The following TAFA2 variants were observed in gnomAD, a reference collection of about 807,000 sequenced individuals.
The protein encoded by TAFA2 is chemokine-like protein TAFA-2.
A neutral mutation model predicts 18.8 loss-of-function variants in TAFA2; 7 were observed. That is an observed-to-expected ratio of 0.37 (90% CI 0.21 to 0.70). The LOEUF is 0.70. Ranked by LOEUF, TAFA2 falls within the 30% of genes least tolerant of loss-of-function variation. The pLI is 0.53. For synonymous variants in TAFA2, 60 were observed against 54.2 expected, an observed-to-expected ratio of 1.11 and a Z score of -0.47; for missense variants, 122 against 158.1, an observed-to-expected ratio of 0.77 and a Z score of 1.23.
In TAFA2 at chr12:61,807,185, C is replaced by T. The variant is rs142025786; in HGVS notation, c.107-52161G>A. Among the ~76,000 whole-genome samples the T allele has an allele frequency of 9.9e-4, 150 of 151,434 alleles. 10 individuals carry two copies. Among genetic ancestry groups the T allele is most frequent in the African/African-American group, 3.0e-3 (122 of 40,762 alleles). ...GGTTTTGTGGGCTGGGCCCAGGTTCCTCATGCTGTGTGCAGCCTAGGGACT... is the reference window on the plus strand; with the variant it reads ...GGTTTTGTGGGCTGGGCCCAGGTTCTTCATGCTGTGTGCAGCCTAGGGACT... On this transcript the variant is annotated intron_variant, in intron 2 of 4. Coordinates refer to ENST00000416284, the MANE Select transcript of TAFA2 (RefSeq NM_178539.5).
intron 1 of TAFA2, among the ~76,000 whole-genome samples, chr12:62,201,740 T>A (rs1478664398): frequency 2.6e-5 from 4 of 152,214 alleles, no homozygotes; most frequent in Admixed American, 2.6e-4. Flanking sequence ...GGTATCAGGA[T>A]GATGCTGGCC....
chr12:62,246,263 A>G (rs4280050), intron 1 of TAFA2, among the ~76,000 whole-genome samples: 46,746 of 152,054 alleles, frequency 0.31, 7,920 homozygotes, highest in African/African-American at 0.46. Context: ...TGGGATTACA[A>G]GCGTGAGCCA....
At chr12:62,205,048 CTGTT>C (rs2062686264) in intron 1 of TAFA2, among the ~76,000 whole-genome samples, 1 of 152,114 alleles carries the variant, frequency 6.6e-6, no homozygotes. Flanking sequence ...TTGTTGTTTT[CTGTT>C]TGTTTTTCTT....
At chr12:62,200,651 T>A (rs1383105121) in intron 1 of TAFA2, among the ~76,000 whole-genome samples, 1 of 152,232 alleles carries the variant, frequency 6.6e-6, no homozygotes, top group Non-Finnish European at 1.5e-5. Context: ...TTTTGGTTAC[T>A]GTAGTTTTGT....
chr12:62,156,813 C>G (rs1399070096), intron 1 of TAFA2, among the ~76,000 whole-genome samples: 1 of 151,920 alleles, frequency 6.6e-6, no homozygotes, highest in African/African-American at 2.4e-5. Context: ...TTGGGTGCAC[C>G]AAAATCTCAC....
chr12:62,009,980 G>C (rs1460571072), intron 1 of TAFA2, among the ~76,000 whole-genome samples: 1 of 152,106 alleles, frequency 6.6e-6, no homozygotes, highest in Non-Finnish European at 1.5e-5. Flanking sequence ...TGCCAGAAAA[G>C]AATAAAGGAG....
chr12:61,980,134 C>A lies in TAFA2; in HGVS notation c.-1-112708G>T, dbSNP rs116636577. Among the ~76,000 whole-genome samples, 833 of 152,238 alleles carry A rather than the reference C, an allele frequency of 5.5e-3. 13 individuals are homozygous for A. Among genetic ancestry groups the A allele is most frequent in the African/African-American group, 0.019 (810 of 41,556 alleles). On this transcript the variant is annotated intron_variant, in intron 1 of 4. Transcript: ENST00000416284. Reference sequence around the variant, plus strand: ...CCATAGAAATGTATCCCTGGCCATGCAAGGCTGGTTTAACATATGCAAATC... The same window carrying A: ...CCATAGAAATGTATCCCTGGCCATGAAAGGCTGGTTTAACATATGCAAATC...
chr12:61,882,389 C>T (rs1875186475), intron 1 of TAFA2, among the ~76,000 whole-genome samples: 1 of 152,116 alleles, frequency 6.6e-6, no homozygotes, highest in Admixed American at 6.5e-5. Flanking sequence ...CCAAAGAAGT[C>T]AGCTGGTTTT....
chr12:62,021,491 C>G, intron 1 of TAFA2: 6 of 382,470 alleles, frequency 1.6e-5, no homozygotes, highest in East Asian at 8.7e-5. Flanking sequence ...TTTTTTCTGT[C>G]TTTGTACAAT....
chr12:61,734,983 G>A (rs1338634425), intron 4 of TAFA2, among the ~76,000 whole-genome samples: 1 of 151,966 alleles, frequency 6.6e-6, no homozygotes, highest in East Asian at 1.9e-4. Flanking sequence ...TTCTTATGGG[G>A]TGGTTGTAAG....
intron 1 of TAFA2, among the ~76,000 whole-genome samples, chr12:62,219,909 A>G (rs1324759565): frequency 6.6e-6 from 1 of 152,204 alleles, no homozygotes; most frequent in African/African-American, 2.4e-5. Flanking sequence ...CTATTTTTAA[A>G]CCCAGTGATC....
At chr12:61,711,404 G>A (rs1313693215) in intron 4 of TAFA2, among the ~76,000 whole-genome samples, 2 of 151,930 alleles carry the variant, frequency 1.3e-5, no homozygotes, top group East Asian at 1.9e-4. Flanking sequence ...TCTAATATCA[G>A]GCAGGGTATT....
At chr12:61,917,455 T>C (rs1254411469) in intron 1 of TAFA2, among the ~76,000 whole-genome samples, 1 of 152,110 alleles carries the variant, frequency 6.6e-6, no homozygotes, top group Non-Finnish European at 1.5e-5. Flanking sequence ...GATGAGAGGC[T>C]TACCACCTCA....
At chr12:62,144,547 C>A (rs1459886656) in intron 1 of TAFA2, among the ~76,000 whole-genome samples, 2 of 152,104 alleles carry the variant, frequency 1.3e-5, no homozygotes, top group Non-Finnish European at 2.9e-5. Context: ...TGTGGTAGTA[C>A]ACAAATTGTG....
At chr12:62,231,324 A>T (rs1005608052) in intron 1 of TAFA2, among the ~76,000 whole-genome samples, 2 of 152,176 alleles carry the variant, frequency 1.3e-5, no homozygotes, top group Non-Finnish European at 2.9e-5. Context: ...TGGCCTCTTT[A>T]TCATTAAATA....
chr12:61,893,530 A>T (rs1223196652), intron 1 of TAFA2, among the ~76,000 whole-genome samples: 1 of 152,132 alleles, frequency 6.6e-6, no homozygotes, highest in African/African-American at 2.4e-5. Flanking sequence ...AGAGGGGAGA[A>T]TGGCAGGACG....
chr12:62,235,809 T>G (rs2136986738), intron 1 of TAFA2, among the ~76,000 whole-genome samples: 1 of 151,886 alleles, frequency 6.6e-6, no homozygotes, highest in East Asian at 1.9e-4. Context: ...GCTGGACCCT[T>G]GGGCTCCAGA....
chr12:62,246,934 T>G (rs949496044), intron 1 of TAFA2, among the ~76,000 whole-genome samples: 2 of 152,110 alleles, frequency 1.3e-5, no homozygotes, highest in African/African-American at 2.4e-5. Context: ...GTTTTGTTTT[T>G]TTTAATTAGG....
At chr12:62,185,041 G>A (rs2062576707) in intron 1 of TAFA2, among the ~76,000 whole-genome samples, 1 of 152,004 alleles carries the variant, frequency 6.6e-6, no homozygotes, top group Admixed American at 6.6e-5. Context: ...ACAAATGATG[G>A]AAGGAGCAAA....
Sources: allele counts gnomAD v4.1 joint callset (sites outside exome capture counted in the v4.1 genomes callset), GRCh38; gene constraint gnomAD v4.1.1; transcripts MANE v1.5; gene names NCBI Gene and HGNC (gene_info 2026-07-23, HGNC 2026-07-21).